Variants in RAB11FIP4 observed in about 807,000 individuals in gnomAD.
RAB11FIP4 encodes the protein RAB11 family interacting protein 4, also known as rab11 family-interacting protein 4.
Under a neutral mutation model 74.3 loss-of-function variants are expected in RAB11FIP4, and 23 were observed. That is an observed-to-expected ratio of 0.31 (90% CI 0.22 to 0.44). The LOEUF (loss-of-function observed/expected upper bound fraction) is 0.44. Among genes scored for constraint, RAB11FIP4 ranks in the 20% least tolerant of loss-of-function variants. RAB11FIP4 has a pLI of 1.00. For missense variants in RAB11FIP4, 630 were observed against 863.9 expected (o/e 0.73, Z 3.39); for synonymous variants, 360 against 359.9 (o/e 1.00, Z 0.00).
intron 3 of RAB11FIP4, among the ~76,000 whole-genome samples, chr17:31,436,820 C>G (rs1263143561): frequency 1.3e-5 from 2 of 149,684 alleles, no homozygotes; most frequent in Non-Finnish European, 3.0e-5. Flanking sequence ...CGGCATCTTG[C>G]TCTATCGCCC....
intron 3 of RAB11FIP4, among the ~76,000 whole-genome samples, chr17:31,502,684 G>C (rs1402123740): frequency 6.6e-6 from 1 of 152,212 alleles, no homozygotes; most frequent in Non-Finnish European, 1.5e-5. Flanking sequence ...TTGGGTTGGG[G>C]TTTCCATGAA....
chr17:31,531,710 C>G lies in RAB11FIP4; in HGVS notation c.1892C>G (p.Ser631Cys). 2 of 1,613,542 alleles carry G rather than the reference C, an allele frequency of 1.2e-6. No individual in the cohort carries two copies. The highest frequency in any genetic ancestry group is 1.7e-6 in the Non-Finnish European group (2 of 1,179,464). ...CTCGCCATCCTGGACCACAATCCCT[C>G]CATCCTCGAGATCAAACACTAAGGC... is the stretch of plus-strand genomic sequence containing the variant. Reference protein sequence around the residue: ...IILAILDHNPSILEIKH With the variant: ...IILAILDHNPCILEIKH The change falls in exon 15 of 15, where the codon TCC becomes TGC. Residue 631 changes from serine (S) to cysteine (C), a missense_variant. By Grantham distance (112) the Ser-to-Cys change is moderately radical (BLOSUM62 -1). Coordinates refer to ENST00000621161, the MANE Select transcript of RAB11FIP4 (RefSeq NM_032932.6).
intron 3 of RAB11FIP4, among the ~76,000 whole-genome samples, chr17:31,505,700 T>G (rs2072335413): frequency 8.5e-6 from 1 of 118,316 alleles, no homozygotes; most frequent in South Asian, 2.2e-4. Flanking sequence ...AATAATTATA[T>G]ATAATATATT....
At chr17:31,468,237 T>C (rs893759220) in intron 3 of RAB11FIP4, among the ~76,000 whole-genome samples, 2 of 152,256 alleles carry the variant, frequency 1.3e-5, no homozygotes, top group South Asian at 2.1e-4. Flanking sequence ...CCTTCCTCGC[T>C]TCGTCTCCCT....
intron 1 of RAB11FIP4, among the ~76,000 whole-genome samples, chr17:31,395,585 T>G (rs2070921434): frequency 6.6e-6 from 1 of 152,108 alleles, no homozygotes; most frequent in South Asian, 2.1e-4. Flanking sequence ...CTGAGAAAAA[T>G]GCCAGACAAA....
In RAB11FIP4 at chr17:31,434,131, TG is replaced by T. The variant is rs754825226; in HGVS notation, c.336+15del. 57 of 1,569,894 alleles carry T rather than the reference TG, an allele frequency of 3.6e-5. No individual in the cohort carries two copies. Among genetic ancestry groups the T allele is most frequent in the Non-Finnish European group, 4.5e-5 (52 of 1,164,950 alleles). ...CAGACTGCGTGGAGCAGGTAAGGCT[TG>T]GGGGGCCTCAAGGACCTCCATGGCT... On this transcript the variant is annotated intron_variant, in intron 3 of 14. Transcript: ENST00000621161.
At chr17:31,455,443 G>T (rs2071570102) in intron 3 of RAB11FIP4, among the ~76,000 whole-genome samples, 1 of 152,224 alleles carries the variant, frequency 6.6e-6, no homozygotes, top group Admixed American at 6.5e-5. Context: ...GGAGGGCAGA[G>T]AGCTCATCCT....
intron 3 of RAB11FIP4, among the ~76,000 whole-genome samples, chr17:31,445,566 ATATATATATATATTTTTTTTTTTT>A (rs1383842474): frequency 2.4e-4 from 3 of 12,418 alleles, no homozygotes; most frequent in African/African-American, 7.9e-4. Context: ...ATATATATAT[ATATATATATATATTTTTTTTTTTT>A]TTTTTTTTTT....
chr17:31,486,621 T>TA (rs564353101), intron 3 of RAB11FIP4, among the ~76,000 whole-genome samples: 1 of 152,206 alleles, frequency 6.6e-6, no homozygotes, highest in Non-Finnish European at 1.5e-5. Context: ...TCCTGTGTGT[T>TA]AGAGACTGTG....
At chr17:31,410,256 G>A (rs544756282) in intron 1 of RAB11FIP4, among the ~76,000 whole-genome samples, 2 of 152,222 alleles carry the variant, frequency 1.3e-5, no homozygotes, top group East Asian at 1.9e-4. Context: ...TGGGGATAGG[G>A]ATAAGTATCC....
intron 3 of RAB11FIP4, among the ~76,000 whole-genome samples, chr17:31,513,402 A>C (rs1045462600): frequency 6.6e-6 from 1 of 152,212 alleles, no homozygotes; most frequent in Non-Finnish European, 1.5e-5. Flanking sequence ...TGGCTCAAGG[A>C]GAGAGAAGAG....
Position 31,445,001 on chromosome 17 carries a change from C to T in RAB11FIP4, c.336+10879C>T, listed in dbSNP as rs147061215. Among the ~76,000 whole-genome samples the T allele has an allele frequency of 1.5e-3, 225 of 152,252 alleles. 1 individual carries two copies. The highest frequency in any genetic ancestry group is 5.0e-3 in the African/African-American group (209 of 41,554). On this transcript the variant is annotated intron_variant, in intron 3 of 14. Transcript: ENST00000621161. Reference sequence around the variant, plus strand: ...CAGATGTTCTCCGAGAAAGCACGGTCGAAACCAGTGGGGACTCTGGGTTAG... The same window carrying T: ...CAGATGTTCTCCGAGAAAGCACGGTTGAAACCAGTGGGGACTCTGGGTTAG...
rs201791699 is a variant in RAB11FIP4 at position 31,431,914 on chromosome 17, G to A, written c.247+14G>A. ...TCGCCATGAAAGGTGAGGTCTTCCC[G>A]GGAGGCTTTCCCAGGCGCTCTCCGG... On this transcript the variant is annotated intron_variant, in intron 2 of 14. Coordinates refer to ENST00000621161, the MANE Select transcript of RAB11FIP4 (RefSeq NM_032932.6). The A allele has an allele frequency of 1.5e-4, 245 of 1,601,218 alleles. No individual in the cohort carries two copies. The African/African-American group carries it at 1.8e-3, about 12-fold the overall frequency.
intron 5 of RAB11FIP4, 42 bp from the exon 6 acceptor site, chr17:31,521,873 G>T: frequency 6.2e-7 from 1 of 1,612,444 alleles, no homozygotes; most frequent in Non-Finnish European, 8.5e-7. Flanking sequence ...GCACCAGACT[G>T]GACAGCAGTT....
chr17:31,479,708 G>T (rs2071828254), intron 3 of RAB11FIP4, among the ~76,000 whole-genome samples: 1 of 152,198 alleles, frequency 6.6e-6, no homozygotes, highest in African/African-American at 2.4e-5. Flanking sequence ...TTTGAAGGAT[G>T]AATAGGAGTT....
chr17:31,469,017 A>G (rs1230897799), intron 3 of RAB11FIP4, among the ~76,000 whole-genome samples: 2 of 152,092 alleles, frequency 1.3e-5, no homozygotes, highest in Non-Finnish European at 2.9e-5. Context: ...CTCATATTTG[A>G]GCTCCTAGAA....
At chr17:31,399,445 G>A (rs1306924837) in intron 1 of RAB11FIP4, among the ~76,000 whole-genome samples, 3 of 152,198 alleles carry the variant, frequency 2.0e-5, no homozygotes, top group Non-Finnish European at 4.4e-5. Flanking sequence ...AGGTGTGGTG[G>A]CTCAACCCTG....
At chr17:31,396,185 A>T (rs199841395) in intron 1 of RAB11FIP4, among the ~76,000 whole-genome samples, 46 of 33,670 alleles carry the variant, frequency 1.4e-3, no homozygotes, top group South Asian at 2.8e-3. Context: ...CCCTGCCACA[A>T]AAAAAAAAAA....
At chr17:31,437,858 T>G (rs2071374284) in intron 3 of RAB11FIP4, among the ~76,000 whole-genome samples, 1 of 152,096 alleles carries the variant, frequency 6.6e-6, no homozygotes, top group Non-Finnish European at 1.5e-5. Context: ...TGTCCAGACC[T>G]CAGGCCAGTG....
Sources: allele counts gnomAD v4.1 joint callset (sites outside exome capture counted in the v4.1 genomes callset), GRCh38; gene constraint gnomAD v4.1.1; transcripts MANE v1.5; gene names NCBI Gene and HGNC (gene_info 2026-07-23, HGNC 2026-07-21).